MB21D2: variants seen among roughly 807,000 people sequenced by gnomAD.
MB21D2 encodes Mab-21 domain containing 2.
Under a neutral mutation model 33.3 loss-of-function variants are expected in MB21D2, and 9 were observed. That is an observed-to-expected ratio of 0.27 (90% CI 0.16 to 0.47). The LOEUF is 0.47. Among genes scored for constraint, MB21D2 ranks in the 20% least tolerant of loss-of-function variants. The pLI, the probability that MB21D2 is intolerant of heterozygous loss-of-function variation, is 0.99. For missense variants in MB21D2, 540 were observed against 624.6 expected (o/e 0.86, Z 1.44); for synonymous variants, 241 against 236.3 (o/e 1.02, Z -0.18).
chr3:192,805,812 T>C (rs1404671489), intron 1 of MB21D2, among the ~76,000 whole-genome samples: 1 of 152,242 alleles, frequency 6.6e-6, no homozygotes, highest in African/African-American at 2.4e-5. Context: ...TCTAAGCGCA[T>C]CGTAGATATT....
At chr3:192,887,560 G>A (rs1025100932) in intron 1 of MB21D2, among the ~76,000 whole-genome samples, 2 of 152,062 alleles carry the variant, frequency 1.3e-5, no homozygotes, top group African/African-American at 4.8e-5. Context: ...GTCTAGGTTT[G>A]ATCTAAAATA....
intron 1 of MB21D2, among the ~76,000 whole-genome samples, chr3:192,908,602 T>C (rs564584056): frequency 2.0e-5 from 3 of 151,732 alleles, no homozygotes; most frequent in South Asian, 2.1e-4. Flanking sequence ...TTTTTTTTAG[T>C]AGAGACGAGG....
chr3:192,882,690 T>A (rs953145383), intron 1 of MB21D2, among the ~76,000 whole-genome samples: 2 of 151,984 alleles, frequency 1.3e-5, no homozygotes, highest in African/African-American at 4.8e-5. Context: ...AGAACTAAGA[T>A]CCCCAGATGT....
chr3:192,864,816 AT>A (rs1713133258), intron 1 of MB21D2, among the ~76,000 whole-genome samples: 1 of 152,012 alleles, frequency 6.6e-6, no homozygotes, highest in Non-Finnish European at 1.5e-5. Flanking sequence ...CCCAACTCCA[AT>A]TTTTAAGAGT....
At chr3:192,891,460 A>C (rs1243361163) in intron 1 of MB21D2, among the ~76,000 whole-genome samples, 2 of 152,194 alleles carry the variant, frequency 1.3e-5, no homozygotes, top group Non-Finnish European at 2.9e-5. Context: ...TGCTGTTTCC[A>C]AGCTGGTAAA....
At chr3:192,837,498 C>T (rs1240047766) in intron 1 of MB21D2, among the ~76,000 whole-genome samples, 3 of 152,110 alleles carry the variant, frequency 2.0e-5, no homozygotes, top group Non-Finnish European at 4.4e-5. Flanking sequence ...GTTCATCATT[C>T]CGAGGCCCCT....
At chr3:192,893,027 C>G (rs576595549) in intron 1 of MB21D2, among the ~76,000 whole-genome samples, 3 of 152,272 alleles carry the variant, frequency 2.0e-5, no homozygotes, top group South Asian at 2.1e-4. Context: ...TTGGCTTCCA[C>G]AGTCAATGTA....
In MB21D2 at chr3:192,799,481, C is replaced by T; in HGVS notation, c.381G>A (p.Leu127=). ...DFTLLVPALK[L]HDRNQPVTLD... The stretch of plus-strand genomic sequence containing the variant: ...GTGTCACAGGCTGATTACGGTCATG[C>T]AGCTTGAGGGCTGGCACCAAGAGGG... The change falls in exon 2 of 2, where the codon CTG becomes CTA. Residue 127 remains leucine (L), a synonymous_variant. Transcript: ENST00000392452. This position sits in a 1 kb window ranked among gnomAD's most constrained non-coding sequence, Gnocchi z 4.1. 6.2e-7 allele frequency: 1 copy of T among 1,614,198 alleles called. No individual in the cohort carries two copies. Among genetic ancestry groups the T allele is most frequent in the Non-Finnish European group, 8.5e-7 (1 of 1,180,034 alleles).
chr3:192,841,087 C>T (rs746345514), intron 1 of MB21D2, among the ~76,000 whole-genome samples: 102 of 152,130 alleles, frequency 6.7e-4, no homozygotes, highest in Non-Finnish European at 8.8e-5. Context: ...ACCTCTATCT[C>T]TTAAAAAAGG....
intron 1 of MB21D2, among the ~76,000 whole-genome samples, chr3:192,868,921 A>G (rs956319619): frequency 2.6e-5 from 4 of 152,226 alleles, no homozygotes; most frequent in African/African-American, 9.7e-5. Context: ...GGACTATGCT[A>G]CTAACCGGAA....
chr3:192,847,509 A>G (rs1253575436), intron 1 of MB21D2, among the ~76,000 whole-genome samples: 1 of 152,224 alleles, frequency 6.6e-6, no homozygotes, highest in Non-Finnish European at 1.5e-5. Context: ...ATCAACTCAC[A>G]TGAAACATGA....
At chr3:192,850,472 C>T (rs943072434) in intron 1 of MB21D2, among the ~76,000 whole-genome samples, 7 of 152,308 alleles carry the variant, frequency 4.6e-5, no homozygotes, top group South Asian at 4.1e-4. Context: ...TCCTTCATTC[C>T]GTCATTCATC....
intron 1 of MB21D2, among the ~76,000 whole-genome samples, chr3:192,834,844 C>T (rs2108622430): frequency 7.7e-6 from 1 of 129,828 alleles, no homozygotes; most frequent in African/African-American, 3.2e-5. Flanking sequence ...CAGAGTCTTG[C>T]TCTGACGCAG....
rs147822960 is a variant in MB21D2, at chr3:192,917,783, G to A, written c.58C>T (p.Pro20Ser). The A allele has an allele frequency of 6.6e-5, 107 of 1,613,572 alleles. No individual in the cohort carries two copies. Among genetic ancestry groups the A allele is most frequent in the Middle Eastern group, 1.8e-4 (1 of 5,678 alleles). ...CTGAAATCCAGCTCCGGGAACGCAG[G>A]CTTGTTGTTACAGCCCAGGGAGGCT... ...KAASLGCNNK[P>S]AFPELDFRSG... Residue 20 changes from proline to serine, a missense_variant, in exon 1 of 2, where the codon CCT becomes TCT. Pro to Ser is a moderately conservative substitution (Grantham distance 74, BLOSUM62 -1). Coordinates refer to ENST00000392452, the MANE Select transcript of MB21D2 (RefSeq NM_178496.4).
At position 192,916,833 on chromosome 3, in the gene MB21D2, G is replaced by T. The variant is rs574046553; in HGVS notation, c.211+797C>A. On this transcript the variant is annotated intron_variant, in intron 1 of 1. Transcript: ENST00000392452. ...CTAGCCCCCGACGTCTCCGCGGTTG[G>T]AAACTCTGGGCACCTCTTTCGGCCA... is the stretch of plus-strand genomic sequence containing the variant. 8.4e-4 allele frequency among the ~76,000 whole-genome samples: 128 copies of T among 152,254 alleles called. 1 individual carries two copies. Among genetic ancestry groups the T allele is most frequent in the African/African-American group, 3.0e-3 (123 of 41,544 alleles).
At chr3:192,909,500 G>A (rs1484126393) in intron 1 of MB21D2, among the ~76,000 whole-genome samples, 1 of 152,054 alleles carries the variant, frequency 6.6e-6, no homozygotes, top group Non-Finnish European at 1.5e-5. Flanking sequence ...ATAACACTAT[G>A]GTTTCCCATC....
intron 1 of MB21D2, among the ~76,000 whole-genome samples, chr3:192,878,081 C>CTTTTTTTTTTTTTTTTTTTTTTT (rs11294126): frequency 7.5e-5 from 9 of 119,534 alleles, no homozygotes; most frequent in Non-Finnish European, 1.2e-4. Context: ...AATTCCTCCT[C>CTTTTTTTTTTTTTTTTTTTTTTT]TTTTTTTTTT....
rs751901757 is a variant in MB21D2, at chr3:192,799,534, G to C, written c.328C>G (p.Arg110Gly). Residue 110 changes from arginine (R) to glycine (G), a missense_variant, in exon 2 of 2, where the codon CGG (arginine) becomes GGG (glycine). Coordinates refer to ENST00000392452, the MANE Select transcript of MB21D2 (RefSeq NM_178496.4). The surrounding 1 kb of genome is among the most constrained non-coding windows in gnomAD (Gnocchi z 4.1). ...AAGTCCATATCATAGTCAGTACCCC[G>C]GGCATAGACATTAAGCTCATCTAAG... ...LDLDELNVYA[R>G]GTDYDMDFTL... is the part of the protein sequence containing the mutation. 6.2e-7 allele frequency: 1 copy of C among 1,614,108 alleles called. No homozygotes were observed. Among genetic ancestry groups the C allele is most frequent in the South Asian group, 1.1e-5 (1 of 91,062 alleles).
intron 1 of MB21D2, among the ~76,000 whole-genome samples, chr3:192,908,588 TA>T (rs1714263400): frequency 6.6e-6 from 1 of 151,636 alleles, no homozygotes. Context: ...TAATGTTTCG[TA>T]TTTTTTTTTT....
Sources: allele counts gnomAD v4.1 joint callset (sites outside exome capture counted in the v4.1 genomes callset), GRCh38; gene constraint gnomAD v4.1.1; non-coding constraint Gnocchi (gnomAD v3.1); transcripts MANE v1.5; gene names NCBI Gene and HGNC (gene_info 2026-07-23, HGNC 2026-07-21).